TARS2: variants seen among roughly 807,000 people sequenced by gnomAD.
TARS2 encodes the protein threonyl-tRNA synthetase 2, mitochondrial.
Under a neutral mutation model 94.4 loss-of-function variants are expected in TARS2, and 61 were observed. The ratio of observed to expected loss-of-function variants is 0.65; its 90% CI spans 0.53 to 0.80. TARS2 has a LOEUF of 0.80. Among genes scored for constraint, TARS2 ranks in the 30% least tolerant of loss-of-function variants. The probability of loss-of-function intolerance (pLI) is 0.00; values close to 1 mark genes in which losing one functional copy is unlikely to be tolerated. For missense variants in TARS2, 704 were observed against 902.5 expected (o/e 0.78, Z 2.82); for synonymous variants, 359 against 353.4 (o/e 1.02, Z -0.18).
At chr1:150,502,546 A>G (rs1669975174) in intron 13 of TARS2, among the ~76,000 whole-genome samples, 1 of 151,798 alleles carries the variant, frequency 6.6e-6, no homozygotes, top group Non-Finnish European at 1.5e-5. Context: ...CTACCACACC[A>G]GCTAATTTTT....
At position 150,507,182 on chromosome 1, in the gene TARS2, A is replaced by G. The variant is rs1016237946; in HGVS notation, c.*118A>G. The G allele has an allele frequency of 1.8e-5, 24 of 1,359,262 alleles. No individual in the cohort carries two copies. The Admixed American group carries it at 4.7e-4, about 27-fold the overall frequency. The allele number at this position is 1,359,262 out of a possible 1,614,324, so 84.2% of individuals were successfully genotyped here. A position where few individuals can be genotyped will look rare whatever the true frequency, so the allele number is the denominator to read the frequency against. ...GAACTTCAGAACTGTGTGGAGGCACATGTCTGCTCTCCTGAAAAGAGACTT... is the reference window on the plus strand; with the variant it reads ...GAACTTCAGAACTGTGTGGAGGCACGTGTCTGCTCTCCTGAAAAGAGACTT... On this transcript the variant is annotated 3_prime_UTR_variant, in exon 18 of 18. Coordinates refer to ENST00000369064, the MANE Select transcript of TARS2 (RefSeq NM_025150.5).
At chr1:150,499,996 C>G (rs1419174774) in intron 13 of TARS2, among the ~76,000 whole-genome samples, 1 of 150,940 alleles carries the variant, frequency 6.6e-6, no homozygotes, top group African/African-American at 2.4e-5. Flanking sequence ...CACAGGGAGA[C>G]CCTGTGTCTA....
At chr1:150,493,177 T>C (rs1669482375) in intron 7 of TARS2, among the ~76,000 whole-genome samples, 2 of 152,030 alleles carry the variant, frequency 1.3e-5, no homozygotes, top group Non-Finnish European at 1.5e-5. Context: ...CCCTGTACTC[T>C]CATAAGCTGA....
chr1:150,489,422 T>A lies in TARS2; in HGVS notation c.387+335T>A, dbSNP rs1245533302. The A allele has an allele frequency of 8.7e-6, 3 of 345,642 alleles. No homozygotes were observed. In the East Asian group the frequency reaches 2.4e-4, roughly 27 times the overall value. The allele number at this position is 345,642 out of a possible 1,614,324, so 21.4% of individuals were successfully genotyped here. A position where few individuals can be genotyped will look rare whatever the true frequency, so the allele number is the denominator to read the frequency against. ...GTATATTCAATTCTAACATGGCTTA[T>A]ACAGCTGAGCAAACAACCTGGTCAC... is the stretch of plus-strand genomic sequence containing the variant. On this transcript the variant is annotated intron_variant, in intron 3 of 17. Transcript: ENST00000369064.
chr1:150,504,336 T>G lies in TARS2; in HGVS notation c.1619T>G (p.Ile540Ser). 6.2e-7 allele frequency: 1 copy of G among 1,614,050 alleles called. No homozygotes were observed. The highest frequency in any genetic ancestry group is 2.2e-5 in the East Asian group (1 of 44,878). The change falls in exon 14 of 18, where the codon ATT becomes AGT. Residue 540 changes from isoleucine (I) to serine (S), a missense_variant and splice_region_variant. Physicochemically the swap from Ile to Ser is moderately radical, Grantham distance 142 (BLOSUM62 -2). Transcript: ENST00000369064. ...SGDGAFYGPK[I>S]DVHLHDALGR... is the part of the protein sequence containing the mutation. The stretch of plus-strand genomic sequence containing the variant: ...TGCCTTCCCATCTGTTTCCTGTAGA[T>G]TGACGTGCACCTCCACGATGCCCTG...
At chr1:150,491,966 T>G (rs1669410861) in intron 6 of TARS2, 2 of 229,806 alleles carry the variant, frequency 8.7e-6, no homozygotes, top group African/African-American at 6.0e-5. Context: ...GGCTAGTTTT[T>G]TTTTTTTTTT....
At chr1:150,503,665 A>G (rs587605529) in intron 13 of TARS2, among the ~76,000 whole-genome samples, 1 of 149,636 alleles carries the variant, frequency 6.7e-6, no homozygotes, top group Non-Finnish European at 1.5e-5. Context: ...ATATGTGTGT[A>G]TATATGTGTG....
intron 13 of TARS2, among the ~76,000 whole-genome samples, chr1:150,500,803 G>A (rs1020384439): frequency 3.9e-5 from 6 of 152,034 alleles, no homozygotes; most frequent in African/African-American, 1.2e-4. Flanking sequence ...CAGCCTGGGC[G>A]ACAGAGTGAG....
intron 17 of TARS2, among the ~76,000 whole-genome samples, chr1:150,505,920 C>G (rs913984852): frequency 1.3e-5 from 2 of 152,246 alleles, no homozygotes; most frequent in East Asian, 3.9e-4. Context: ...AAATAGTTTT[C>G]CTCTTTTTAA....
At chr1:150,497,489 C>G (rs1299553556) in intron 9 of TARS2, 41 bp from the exon 10 acceptor site, 5 of 1,595,436 alleles carry the variant, frequency 3.1e-6, no homozygotes, top group Non-Finnish European at 4.3e-6. Flanking sequence ...TGCTTTCCTT[C>G]CAGTTACTCT....
At position 150,496,644 on chromosome 1, in the gene TARS2, AG is replaced by A; in HGVS notation, c.921+17del. 1 of 1,609,848 alleles carries A rather than the reference AG, an allele frequency of 6.2e-7. No homozygotes were observed. Among genetic ancestry groups the A allele is most frequent in the East Asian group, 2.2e-5 (1 of 44,792 alleles). On this transcript the variant is annotated intron_variant, in intron 8 of 17. Coordinates refer to ENST00000369064, the MANE Select transcript of TARS2 (RefSeq NM_025150.5). Reference sequence around the variant, plus strand: ...CATTGGGAAGGTACAGGAATTGGGAAGATAGGGAGGGATGGTGATAAGGGTT... The same window carrying A: ...CATTGGGAAGGTACAGGAATTGGGAAATAGGGAGGGATGGTGATAAGGGTT...
At chr1:150,503,577 GTATA>G (rs370458461) in intron 13 of TARS2, among the ~76,000 whole-genome samples, 1 of 141,530 alleles carries the variant, frequency 7.1e-6, no homozygotes, top group South Asian at 2.2e-4. Flanking sequence ...GTGTGTGTGT[GTATA>G]TATATGTGTG....
Position 150,492,435 on chromosome 1 carries a change from C to A in TARS2, c.720C>A (p.Cys240Ter). ...VYGCGTLVDL[C>*]QGPHLRHTGQ... ...GGTGTGGCACATTGGTTGACCTTTGCCAGGGCCCCCACCTTCGGCATACTG... is the reference window on the plus strand; with the variant it reads ...GGTGTGGCACATTGGTTGACCTTTGACAGGGCCCCCACCTTCGGCATACTG... Residue 240 changes from cysteine (C) to a stop codon, truncating the protein, a stop_gained, in exon 7 of 18, where the codon TGC becomes TGA. Transcript: ENST00000369064. LOFTEE classifies it high-confidence loss of function. 6.2e-7 allele frequency: 1 copy of A among 1,613,922 alleles called. No homozygotes were observed. Among genetic ancestry groups the A allele is most frequent in the Non-Finnish European group, 8.5e-7 (1 of 1,179,918 alleles).
Position 150,506,936 on chromosome 1 carries a change from A to G in TARS2, c.2029A>G (p.Ser677Gly), listed in dbSNP as rs199693807. Residue 677 changes from serine (S) to glycine (G), a missense_variant, in exon 18 of 18, where the codon AGT (serine) becomes GGT (glycine). Around this residue, in one of 3 missense-constraint regions of TARS2, gnomAD observed 466 missense variants for 609.5 expected, o/e 0.76. Coordinates refer to ENST00000369064, the MANE Select transcript of TARS2 (RefSeq NM_025150.5). ...FQFVVGQKEQ[S>G]KRTVNIRTRD... ...TGCAGTGGTTGGCCAGAAAGAGCAA[A>G]GTAAGAGAACAGTGAACATTCGGAC... 6.2e-7 allele frequency: 1 copy of G among 1,614,090 alleles called. No individual in the cohort carries two copies. The highest frequency in any genetic ancestry group is 1.1e-5 in the South Asian group (1 of 91,080).
At chr1:150,505,726 A>C (rs769780921) in intron 17 of TARS2, 21 bp downstream of exon 17, 42 of 1,602,720 alleles carry the variant, frequency 2.6e-5, no homozygotes, top group Non-Finnish European at 3.6e-5. Flanking sequence ...CCTCAGAGCC[A>C]ATGTTCTCCC....
At chr1:150,500,000 G>A (rs1669840696) in intron 13 of TARS2, among the ~76,000 whole-genome samples, 1 of 149,216 alleles carries the variant, frequency 6.7e-6, no homozygotes, top group Non-Finnish European at 1.5e-5. Context: ...GGGAGACCCT[G>A]TGTCTACCAA....
intron 13 of TARS2, among the ~76,000 whole-genome samples, chr1:150,503,627 A>ATGTGTGTG (rs1560257509): frequency 2.4e-5 from 3 of 123,858 alleles, no homozygotes; most frequent in South Asian, 2.5e-4. Flanking sequence ...ATGTGTGTGT[A>ATGTGTGTG]TATATGTGTG....
At chr1:150,503,617 A>G (rs12065545) in intron 13 of TARS2, among the ~76,000 whole-genome samples, 13 of 123,956 alleles carry the variant, frequency 1.0e-4, no homozygotes, top group East Asian at 8.4e-4. Flanking sequence ...GTGTATATAT[A>G]TGTGTGTGTA....
chr1:150,497,001 G>A (rs1008518802), intron 9 of TARS2, 93 bp downstream of exon 9: 2 of 1,258,088 alleles, frequency 1.6e-6, no homozygotes, highest in Non-Finnish European at 2.3e-6. Context: ...TGGGGGTTGG[G>A]GCCGGGCACA....
Sources: gnomAD v4.1 joint callset for allele counts (sites outside exome capture counted in the v4.1 genomes callset) on GRCh38, gnomAD v4.1.1 for gene constraint, gnomAD v4.1.1 regional missense constraint, MANE v1.5 for transcripts, NCBI Gene and HGNC (gene_info 2026-07-23, HGNC 2026-07-21) for gene names.